The following C8A variants were observed in gnomAD, a reference collection of about 807,000 sequenced individuals.
C8A encodes complement component C8 alpha chain.
Under a neutral mutation model 65.3 loss-of-function variants are expected in C8A, and 67 were observed. The ratio of observed to expected loss-of-function variants is 1.03; its 90% CI spans 0.84 to 1.26. The LOEUF is 1.26. Ranked by LOEUF, C8A falls within the 50% of genes most tolerant of loss-of-function variation. The pLI, the probability that C8A is intolerant of heterozygous loss-of-function variation, is 0.00. For missense variants in C8A, 781 were observed against 723.9 expected (o/e 1.08, Z -0.90); for synonymous variants, 290 against 259.4 (o/e 1.12, Z -1.13).
At chr1:56,878,017 T>C (rs1304291406) in intron 4 of C8A, among the ~76,000 whole-genome samples, 3 of 152,340 alleles carry the variant, frequency 2.0e-5, no homozygotes, top group South Asian at 4.1e-4. Flanking sequence ...AAATTTACTT[T>C]CTCACAATTC....
At position 56,917,059 on chromosome 1, in the gene C8A, C is replaced by A. The variant is rs12566197; in HGVS notation, c.1604-506C>A. Among the ~76,000 whole-genome samples, 38 of 152,326 alleles carry A rather than the reference C, an allele frequency of 2.5e-4. 1 individual carries two copies. The East Asian group carries it at 7.1e-3, about 29-fold the overall frequency. Reference sequence around the variant, plus strand: ...CTCCATTGACTCTGTGTCATTCTTCCAAGGGAGCACACCTCCTGCCTCCCT... The same window carrying A: ...CTCCATTGACTCTGTGTCATTCTTCAAAGGGAGCACACCTCCTGCCTCCCT... On this transcript the variant is annotated intron_variant, in intron 10 of 10. Coordinates refer to ENST00000361249, the MANE Select transcript of C8A (RefSeq NM_000562.3).
rs1382563801 is a variant in C8A, at chr1:56,881,507, A to G, written c.527A>G (p.Gln176Arg). The G allele has an allele frequency of 5.0e-6, 8 of 1,613,726 alleles. No individual in the cohort carries two copies. Among genetic ancestry groups the G allele is most frequent in the Non-Finnish European group, 6.8e-6 (8 of 1,179,814 alleles). The change falls in exon 5 of 11, where the codon CAG becomes CGG. Residue 176 changes from glutamine to arginine, a missense_variant. Coordinates refer to ENST00000361249, the MANE Select transcript of C8A (RefSeq NM_000562.3). Reference protein sequence around the residue: ...SVYDASYYGGQCETVYNGEWR... With the variant: ...SVYDASYYGGRCETVYNGEWR... The stretch of plus-strand genomic sequence containing the variant: ...TACGATGCCAGTTATTATGGGGGCC[A>G]GTGTGAGACGGTATACAATGGGGAA...
intron 1 of C8A, among the ~76,000 whole-genome samples, chr1:56,859,014 T>C (rs1463965644): frequency 2.6e-5 from 4 of 152,366 alleles, no homozygotes; most frequent in Admixed American, 2.6e-4. Flanking sequence ...CAGAACCTGG[T>C]ACATGGTAAG....
At chr1:56,856,852 TA>T (rs1455144545) in intron 1 of C8A, among the ~76,000 whole-genome samples, 4 of 151,934 alleles carry the variant, frequency 2.6e-5, no homozygotes, top group Non-Finnish European at 5.9e-5. Context: ...TATAAAATCT[TA>T]AAAATGTGTT....
chr1:56,865,349 T>C (rs1419306474), intron 1 of C8A, among the ~76,000 whole-genome samples: 3 of 152,198 alleles, frequency 2.0e-5, no homozygotes, highest in African/African-American at 7.2e-5. Flanking sequence ...GCAGATTCAG[T>C]GTCTGGTGAG....
Position 56,876,817 on chromosome 1 carries a change from C to T in C8A, c.464+608C>T, listed in dbSNP as rs530060643. On this transcript the variant is annotated intron_variant, in intron 4 of 10. Coordinates refer to ENST00000361249, the MANE Select transcript of C8A (RefSeq NM_000562.3). ...GTTCCTTGAATGCATCACACTCTTT[C>T]CTTCTGAGCCTTAATCAATATTCCT... 2.0e-5 allele frequency among the ~76,000 whole-genome samples: 3 copies of T among 152,242 alleles called. No homozygotes were observed. In the South Asian group the frequency reaches 6.2e-4, roughly 32 times the overall value.
At chr1:56,877,138 T>C (rs1644206255) in intron 4 of C8A, among the ~76,000 whole-genome samples, 1 of 152,164 alleles carries the variant, frequency 6.6e-6, no homozygotes, top group Non-Finnish European at 1.5e-5. Context: ...GCGGCTGTCT[T>C]TGAGACAGGA....
chr1:56,859,619 AC>A, intron 1 of C8A, among the ~76,000 whole-genome samples: 1 of 152,310 alleles, frequency 6.6e-6, no homozygotes, highest in South Asian at 2.1e-4. Flanking sequence ...CACAGTGGAT[AC>A]TTTTTTGGAT....
chr1:56,869,729 T>C (rs1644125131), intron 2 of C8A, among the ~76,000 whole-genome samples: 1 of 152,194 alleles, frequency 6.6e-6, no homozygotes, highest in East Asian at 1.9e-4. Context: ...AGGTGATATC[T>C]CATTACAGTT....
chr1:56,898,961 C>G (rs1484781383), intron 7 of C8A, among the ~76,000 whole-genome samples: 2 of 152,112 alleles, frequency 1.3e-5, no homozygotes, highest in Admixed American at 6.5e-5. Flanking sequence ...TCTGGGACAG[C>G]CCAGCAGGTC....
chr1:56,894,367 T>A (rs950058250), intron 7 of C8A, among the ~76,000 whole-genome samples: 1 of 152,154 alleles, frequency 6.6e-6, no homozygotes, highest in Non-Finnish European at 1.5e-5. Context: ...GAGGGACCAC[T>A]CTTCCCATTT....
At chr1:56,881,282 A>G (rs904801531) in intron 4 of C8A, among the ~76,000 whole-genome samples, 163 bp from the exon 5 acceptor site, 3 of 152,116 alleles carry the variant, frequency 2.0e-5, no homozygotes, top group Non-Finnish European at 4.4e-5. Flanking sequence ...TTGCTTTTTA[A>G]TTTCCAACTT....
At chr1:56,873,844 G>A (rs544895742) in intron 2 of C8A, among the ~76,000 whole-genome samples, 191 of 152,238 alleles carry the variant, frequency 1.3e-3, no homozygotes, top group Non-Finnish European at 1.8e-3. Flanking sequence ...TAGGGTCTAC[G>A]CTTCTTGAAG....
chr1:56,864,070 A>C (rs1168313506), intron 1 of C8A, among the ~76,000 whole-genome samples: 3 of 152,218 alleles, frequency 2.0e-5, no homozygotes, highest in South Asian at 4.1e-4. Context: ...AGAAGAAATA[A>C]ATCATACAAA....
At chr1:56,894,664 C>T (rs1324634841) in intron 7 of C8A, among the ~76,000 whole-genome samples, 2 of 152,160 alleles carry the variant, frequency 1.3e-5, no homozygotes, top group Non-Finnish European at 2.9e-5. Flanking sequence ...AGCTCTACAT[C>T]CTCTTCCTCC....
chr1:56,892,462 G>A (rs1644355184), intron 7 of C8A, among the ~76,000 whole-genome samples: 1 of 151,980 alleles, frequency 6.6e-6, no homozygotes, highest in African/African-American at 2.4e-5. Flanking sequence ...AAAATCCAGG[G>A]TTCTTTCTTT....
chr1:56,894,120 T>C (rs71639738), intron 7 of C8A, among the ~76,000 whole-genome samples: 2,359 of 152,286 alleles, frequency 0.015, 30 homozygotes, highest in Non-Finnish European at 0.025. Flanking sequence ...GAATGTTAAC[T>C]GTTCTCTCAT....
In C8A at chr1:56,883,495, T is replaced by G. The variant is rs144315179; in HGVS notation, c.669T>G (p.Thr223=). ...TTTTTTTTCAGGCCCTGGCAGATAC[T>G]GGAATCTCCTCAGAGTTTTATGATA... ...LKYHFEALAD[T]GISSEFYDNA... The change falls in exon 6 of 11, where the codon ACT becomes ACG. Residue 223 remains threonine, a synonymous_variant. Transcript: ENST00000361249. 1 of 1,613,450 alleles carries G rather than the reference T, an allele frequency of 6.2e-7. No individual in the cohort carries two copies. Among genetic ancestry groups the G allele is most frequent in the African/African-American group, 1.3e-5 (1 of 74,870 alleles).
At chr1:56,877,501 G>C (rs1370304092) in intron 4 of C8A, among the ~76,000 whole-genome samples, 1 of 152,108 alleles carries the variant, frequency 6.6e-6, no homozygotes. Flanking sequence ...TCCAGTACCG[G>C]AACAGGGCTT....
Sources: allele counts gnomAD v4.1 joint callset (sites outside exome capture counted in the v4.1 genomes callset), GRCh38; gene constraint gnomAD v4.1.1; transcripts MANE v1.5; gene names NCBI Gene and HGNC (gene_info 2026-07-23, HGNC 2026-07-21).